FAM184A: variants seen among roughly 807,000 people sequenced by gnomAD.
FAM184A encodes the protein family with sequence similarity 184 member A.
FAM184A carries 99 observed loss-of-function variants against 143.8 expected under a neutral mutation model. The observed-to-expected ratio is 0.69, with a 90% CI of 0.58 to 0.81. FAM184A has a LOEUF of 0.81. Among genes scored for constraint, FAM184A ranks in the 40% least tolerant of loss-of-function variants. The pLI is 0.00. For missense variants in FAM184A, 1,217 were observed against 1,310.5 expected, an observed-to-expected ratio of 0.93 and a Z score of 1.10; for synonymous variants, 427 against 446.4, an observed-to-expected ratio of 0.96 and a Z score of 0.55.
At chr6:119,022,854 G>T in intron 3 of FAM184A, 91 bp downstream of exon 3, 1 of 1,508,196 alleles carries the variant, frequency 6.6e-7, no homozygotes. Context: ...TCCCGTCTGG[G>T]CGACAGAGCA....
intron 1 of FAM184A, among the ~76,000 whole-genome samples, chr6:119,098,250 C>T (rs974613570): frequency 2.0e-5 from 3 of 152,206 alleles, no homozygotes; most frequent in Admixed American, 6.5e-5. Flanking sequence ...TGCCTTTCGC[C>T]TTCCACCATG....
intron 9 of FAM184A, among the ~76,000 whole-genome samples, chr6:118,988,225 T>C (rs1784254586): frequency 6.6e-6 from 1 of 152,146 alleles, no homozygotes; most frequent in Non-Finnish European, 1.5e-5. Flanking sequence ...TTAATTATAA[T>C]GTGCTCAAGA....
intron 1 of FAM184A, among the ~76,000 whole-genome samples, chr6:119,067,216 A>G (rs1413602024): frequency 2.6e-5 from 4 of 152,120 alleles, no homozygotes. Flanking sequence ...AAGTCACACA[A>G]AAGATTAGTA....
intron 1 of FAM184A, among the ~76,000 whole-genome samples, chr6:119,089,789 A>T (rs946246128): frequency 3.3e-5 from 5 of 152,202 alleles, no homozygotes; most frequent in African/African-American, 1.2e-4. Flanking sequence ...ATTGGTAAAC[A>T]TCGTTATAAA....
At chr6:119,072,011 A>T (rs140031449) in intron 1 of FAM184A, among the ~76,000 whole-genome samples, 2 of 151,770 alleles carry the variant, frequency 1.3e-5, no homozygotes, top group African/African-American at 4.8e-5. Context: ...ACAAGCACCC[A>T]CCACCACACC....
At chr6:119,003,107 A>G (rs917019115) in intron 8 of FAM184A, 58 bp from the exon 9 acceptor site, 60 of 1,454,644 alleles carry the variant, frequency 4.1e-5, no homozygotes, top group Non-Finnish European at 4.2e-5. Flanking sequence ...CACTGACTGT[A>G]ATAGAGTCTA....
intron 1 of FAM184A, among the ~76,000 whole-genome samples, chr6:119,126,115 A>G (rs1789358421): frequency 6.6e-6 from 1 of 152,162 alleles, no homozygotes; most frequent in South Asian, 2.1e-4. Flanking sequence ...AAAGTTATTC[A>G]GGTTGTTGGC....
chr6:119,047,279 T>C (rs1004608049), intron 1 of FAM184A, among the ~76,000 whole-genome samples: 2 of 152,132 alleles, frequency 1.3e-5, no homozygotes, highest in Non-Finnish European at 2.9e-5. Context: ...ACACTATGGA[T>C]GGGAATGTAA....
chr6:118,995,842 T>G (rs570144889), intron 9 of FAM184A, among the ~76,000 whole-genome samples: 46 of 152,370 alleles, frequency 3.0e-4, no homozygotes, highest in African/African-American at 1.1e-3. Flanking sequence ...GTTACTATAA[T>G]GCTGTCTAAA....
At chr6:119,091,119 T>C (rs1214598404) in intron 1 of FAM184A, among the ~76,000 whole-genome samples, 1 of 152,180 alleles carries the variant, frequency 6.6e-6, no homozygotes, top group Admixed American at 6.5e-5. Flanking sequence ...ATTCTTGCTG[T>C]GTATTAATGC....
At chr6:119,136,105 C>T (rs1226012515) in intron 1 of FAM184A, among the ~76,000 whole-genome samples, 5 of 148,768 alleles carry the variant, frequency 3.4e-5, no homozygotes, top group East Asian at 2.0e-4. Context: ...GGTGAAACCC[C>T]GTCTCTACTA....
At chr6:119,098,037 C>T (rs1348365879) in intron 1 of FAM184A, among the ~76,000 whole-genome samples, 1 of 152,128 alleles carries the variant, frequency 6.6e-6, no homozygotes, top group African/African-American at 2.4e-5. Context: ...TGTGTCCACA[C>T]CCCAGTCTCA....
intron 1 of FAM184A, among the ~76,000 whole-genome samples, chr6:119,032,177 CAGA>C (rs1785897003): frequency 6.6e-6 from 1 of 151,728 alleles, no homozygotes; most frequent in Non-Finnish European, 1.5e-5. Context: ...GAGGCTGAGG[CAGA>C]AGAATTGCTT....
At chr6:118,975,445 G>A (rs1427184757) in intron 12 of FAM184A, among the ~76,000 whole-genome samples, 1 of 152,178 alleles carries the variant, frequency 6.6e-6, no homozygotes, top group Non-Finnish European at 1.5e-5. Context: ...AAGGTCAAAG[G>A]ACATCTCTCT....
chr6:119,109,718 C>G (rs982858118), intron 1 of FAM184A, among the ~76,000 whole-genome samples: 1 of 152,182 alleles, frequency 6.6e-6, no homozygotes, highest in African/African-American at 2.4e-5. Flanking sequence ...ATCTTAGAAA[C>G]TCAGCTCTGC....
chr6:119,119,201 T>A (rs1407500153), intron 1 of FAM184A, among the ~76,000 whole-genome samples: 1 of 152,226 alleles, frequency 6.6e-6, no homozygotes. Flanking sequence ...CAAAACTTCA[T>A]TAGCAATTTT....
intron 1 of FAM184A, among the ~76,000 whole-genome samples, chr6:119,037,554 G>A (rs184340674): frequency 1.8e-3 from 268 of 152,220 alleles, no homozygotes; most frequent in Non-Finnish European, 2.6e-3. Flanking sequence ...TCTTGAATGA[G>A]ATGGCAACAC....
chr6:119,095,237 C>T (rs1433583146), intron 1 of FAM184A, among the ~76,000 whole-genome samples: 2 of 152,238 alleles, frequency 1.3e-5, no homozygotes, highest in East Asian at 1.9e-4. Flanking sequence ...CCTATTCATT[C>T]TTACCAGGAT....
At chr6:119,024,839 G>A (rs41292564) in intron 1 of FAM184A, 26 bp from the exon 2 acceptor site, 32,696 of 1,530,600 alleles carry the variant, frequency 0.021, 409 homozygotes, top group Middle Eastern at 0.033. Context: ...TAAGAAGGGA[G>A]AAGGATTGTG....
Sources: gnomAD v4.1 joint callset for allele counts (sites outside exome capture counted in the v4.1 genomes callset) on GRCh38, gnomAD v4.1.1 for gene constraint, MANE v1.5 for transcripts, NCBI Gene and HGNC (gene_info 2026-07-23, HGNC 2026-07-21) for gene names.